The following NKAIN3 variants were observed in gnomAD, a reference collection of about 807,000 sequenced individuals.
The protein encoded by NKAIN3 is sodium/potassium transporting ATPase interacting 3.
NKAIN3 carries 25 observed loss-of-function variants against 30.2 expected under a neutral mutation model. That is an observed-to-expected ratio of 0.83 (90% CI 0.60 to 1.16). NKAIN3 has a LOEUF of 1.16. NKAIN3 is among the 50% of genes most tolerant of loss of function. NKAIN3 has a pLI of 0.00. For missense variants in NKAIN3, 225 were observed against 254.1 expected, an observed-to-expected ratio of 0.89 and a Z score of 0.78; for synonymous variants, 91 against 89.6, an observed-to-expected ratio of 1.02 and a Z score of -0.09.
intron 1 of NKAIN3, among the ~76,000 whole-genome samples, chr8:62,377,356 A>G (rs1366559037): frequency 6.6e-6 from 1 of 152,186 alleles, no homozygotes; most frequent in Admixed American, 6.5e-5. Flanking sequence ...GAGCTTATTT[A>G]GGCTCTTAAA....
chr8:62,884,164 G>A (rs1563611562), intron 4 of NKAIN3, among the ~76,000 whole-genome samples: 3 of 152,208 alleles, frequency 2.0e-5, no homozygotes, highest in South Asian at 4.2e-4. Context: ...CTCTTGTAAT[G>A]TCTTTGTCTG....
chr8:62,536,683 T>C (rs951940888), intron 1 of NKAIN3, among the ~76,000 whole-genome samples: 1 of 152,158 alleles, frequency 6.6e-6, no homozygotes, highest in Admixed American at 6.5e-5. Flanking sequence ...AAATATTTGC[T>C]ATTTTTTCTT....
At chr8:62,367,426 A>G (rs549423610) in intron 1 of NKAIN3, among the ~76,000 whole-genome samples, 1 of 152,352 alleles carries the variant, frequency 6.6e-6, no homozygotes, top group East Asian at 1.9e-4. Flanking sequence ...TGTGCAAATC[A>G]ATAAACATTA....
chr8:62,532,513 C>T (rs1435140077), intron 1 of NKAIN3, among the ~76,000 whole-genome samples: 1 of 152,156 alleles, frequency 6.6e-6, no homozygotes, highest in Non-Finnish European at 1.5e-5. Context: ...AAGCTAATCT[C>T]TTTAAGAATT....
At chr8:62,602,076 T>C (rs892211774) in intron 3 of NKAIN3, among the ~76,000 whole-genome samples, 15 of 152,098 alleles carry the variant, frequency 9.9e-5, no homozygotes, top group African/African-American at 3.6e-4. Flanking sequence ...GAAGCTACAT[T>C]ATAAGCCAAC....
intron 4 of NKAIN3, chr8:62,855,926 T>C: frequency 1.3e-6 from 1 of 748,560 alleles, no homozygotes; most frequent in Non-Finnish European, 2.5e-6. Flanking sequence ...TGCGTGATGC[T>C]ACAACCTCCT....
intron 3 of NKAIN3, among the ~76,000 whole-genome samples, chr8:62,638,371 A>C (rs1434593390): frequency 1.3e-5 from 2 of 152,186 alleles, no homozygotes; most frequent in Non-Finnish European, 2.9e-5. Context: ...TATGTAGAAC[A>C]TACAGGGACT....
chr8:62,893,613 T>A lies in NKAIN3; in HGVS notation c.472-24840T>A, dbSNP rs148052268. On this transcript the variant is annotated intron_variant, in intron 4 of 6. Transcript: ENST00000623646. ...TGGAGAAGTGAGGGGAAGCCGGTGA[T>A]GTTTACTGCAGGGTTTGAGCTACTC... Among the ~76,000 whole-genome samples the A allele has an allele frequency of 8.9e-4, 135 of 151,990 alleles. 1 individual carries two copies. In the Middle Eastern group the frequency reaches 0.02, roughly 23 times the overall value.
intron 3 of NKAIN3, among the ~76,000 whole-genome samples, chr8:62,614,808 TG>T (rs113818044): frequency 0.24 from 36,525 of 151,978 alleles, 4,621 homozygotes; most frequent in East Asian, 0.33. Context: ...TGGGGAGTAC[TG>T]CCAGACTACC....
chr8:62,738,601 C>A (rs1208268598), intron 3 of NKAIN3, among the ~76,000 whole-genome samples: 390 of 124,912 alleles, frequency 3.1e-3, no homozygotes, highest in Middle Eastern at 4.4e-3. Flanking sequence ...ACTCCATCTC[C>A]AAAAAAAAAA....
chr8:62,825,744 T>C (rs1342593918), intron 4 of NKAIN3, among the ~76,000 whole-genome samples: 1 of 152,134 alleles, frequency 6.6e-6, no homozygotes, highest in Non-Finnish European at 1.5e-5. Context: ...CAGATAATCT[T>C]CAGTGCAGCC....
At chr8:62,673,095 G>A (rs778817214) in intron 3 of NKAIN3, among the ~76,000 whole-genome samples, 20 of 152,112 alleles carry the variant, frequency 1.3e-4, no homozygotes, top group African/African-American at 4.6e-4. Flanking sequence ...AAGGTCCAAC[G>A]GTTAGTAAAT....
intron 3 of NKAIN3, among the ~76,000 whole-genome samples, chr8:62,690,211 C>T (rs7017552): frequency 0.024 from 3,659 of 152,116 alleles, 165 homozygotes; most frequent in African/African-American, 0.084. Flanking sequence ...AATCATAGCG[C>T]CTCACCCAGA....
At chr8:62,947,667 C>T (rs1273466980) in intron 5 of NKAIN3, among the ~76,000 whole-genome samples, 1 of 152,126 alleles carries the variant, frequency 6.6e-6, no homozygotes, top group East Asian at 1.9e-4. Context: ...TCATAGAAGG[C>T]GACACAGCTT....
intron 1 of NKAIN3, among the ~76,000 whole-genome samples, chr8:62,563,180 A>G (rs935928062): frequency 6.6e-6 from 1 of 152,128 alleles, no homozygotes; most frequent in Non-Finnish European, 1.5e-5. Flanking sequence ...TTCCTGGCTT[A>G]AGCTATTTGT....
chr8:62,729,039 A>AAAAAAAAAAAAAAAAAAC (rs200466973), intron 3 of NKAIN3, among the ~76,000 whole-genome samples: 1 of 96,926 alleles, frequency 1.0e-5, no homozygotes, highest in African/African-American at 4.0e-5. Flanking sequence ...AAAAAAAAAA[A>AAAAAAAAAAAAAAAAAAC]CAAAAAAAAA....
chr8:62,533,346 T>C (rs1335150196), intron 1 of NKAIN3, among the ~76,000 whole-genome samples: 2 of 152,208 alleles, frequency 1.3e-5, no homozygotes, highest in African/African-American at 4.8e-5. Flanking sequence ...TCTTATAGAA[T>C]GGCCCAGCTG....
chr8:62,640,682 C>T (rs933992624), intron 3 of NKAIN3, among the ~76,000 whole-genome samples: 11 of 152,034 alleles, frequency 7.2e-5, no homozygotes, highest in African/African-American at 1.7e-4. Context: ...TTTTCCTCTG[C>T]GCGCACCCAG....
At chr8:62,528,294 T>A (rs1032203196) in intron 1 of NKAIN3, among the ~76,000 whole-genome samples, 1 of 117,280 alleles carries the variant, frequency 8.5e-6, no homozygotes, top group East Asian at 2.3e-4. Flanking sequence ...GTGATATATA[T>A]ATATATTATA....
Sources: allele counts gnomAD v4.1 joint callset (sites outside exome capture counted in the v4.1 genomes callset), GRCh38; gene constraint gnomAD v4.1.1; transcripts MANE v1.5; gene names NCBI Gene and HGNC (gene_info 2026-07-23, HGNC 2026-07-21).